HECW2: variants seen among roughly 807,000 people sequenced by gnomAD.
The protein encoded by HECW2 is HECT, C2 and WW domain containing E3 ubiquitin protein ligase 2.
Under a neutral mutation model 175.2 loss-of-function variants are expected in HECW2, and 61 were observed. That is an observed-to-expected ratio of 0.35 (90% CI 0.28 to 0.43). HECW2 has a LOEUF of 0.43. Among genes scored for constraint, HECW2 ranks in the 20% least tolerant of loss-of-function variants. HECW2 has a pLI of 1.00. For missense variants in HECW2, 1,524 were observed against 2,000.5 expected (o/e 0.76, Z 4.54); for synonymous variants, 671 against 731.0 (o/e 0.92, Z 1.32).
At chr2:196,290,878 C>T (rs567259361) in intron 14 of HECW2, 1 of 152,266 alleles carries the variant, frequency 6.6e-6, no homozygotes, top group East Asian at 1.9e-4. Context: ...GGTCCAGGGA[C>T]ATAATCACAA....
rs1553636701 is a variant in HECW2, at chr2:196,248,597, G to GACAGACACAC, written c.3529+5322_3529+5323insGTGTGTCTGT. The stretch of plus-strand genomic sequence containing the variant: ...CAGATGAGAGAGAGAGAGACAGACA[G>GACAGACACAC]ACACACACACACACACACACACACA... On this transcript the variant is annotated intron_variant, in intron 19 of 28. Coordinates refer to ENST00000644978, the MANE Select transcript of HECW2 (RefSeq NM_001348768.2). Among the ~76,000 whole-genome samples the GACAGACACAC allele has an allele frequency of 5.6e-4, 81 of 144,032 alleles. 1 individual carries two copies. The highest frequency in any genetic ancestry group is 2.1e-3 in the African/African-American group (81 of 38,646). 94.5% of individuals were successfully genotyped at this position (144,032 alleles called of 152,430 possible).
At chr2:196,243,446 T>A (rs1422281409) in intron 19 of HECW2, among the ~76,000 whole-genome samples, 1 of 151,202 alleles carries the variant, frequency 6.6e-6, no homozygotes, top group Non-Finnish European at 1.5e-5. Context: ...GGATTACTGG[T>A]GTGAGCCACT....
In HECW2 at chr2:196,387,288, T is replaced by C. The variant is rs541627028; in HGVS notation, c.293-43524A>G. ...AAAAAAACCATATGTTGACTTCAAA[T>C]CCCCAATGCAATATTATTAAGAGGT... On this transcript the variant is annotated intron_variant, in intron 2 of 28. Transcript: ENST00000644978. Among the ~76,000 whole-genome samples the C allele has an allele frequency of 8.5e-5, 13 of 152,206 alleles. No individual in the cohort carries two copies. In the East Asian group the frequency reaches 2.5e-3, roughly 29 times the overall value.
chr2:196,320,733 T>A (rs764838432), intron 7 of HECW2, among the ~76,000 whole-genome samples: 3 of 152,168 alleles, frequency 2.0e-5, no homozygotes, highest in Admixed American at 1.3e-4. Flanking sequence ...CTCTCTCACT[T>A]TTAAGGGTGA....
At chr2:196,463,460 T>C (rs1210081642) in intron 1 of HECW2, among the ~76,000 whole-genome samples, 1 of 150,954 alleles carries the variant, frequency 6.6e-6, no homozygotes, top group African/African-American at 2.4e-5. Context: ...AAAGAAAAAT[T>C]CCAACTGCAA....
At chr2:196,227,024 A>G (rs922108271) in intron 22 of HECW2, among the ~76,000 whole-genome samples, 1 of 152,262 alleles carries the variant, frequency 6.6e-6, no homozygotes, top group African/African-American at 2.4e-5. Context: ...GTATAAATCC[A>G]TACTGAGATT....
intron 1 of HECW2, among the ~76,000 whole-genome samples, chr2:196,491,501 T>G (rs13007775): frequency 7.9e-6 from 1 of 125,944 alleles, no homozygotes; most frequent in Non-Finnish European, 1.8e-5. Context: ...TATATATATA[T>G]ACACACACAC....
intron 1 of HECW2, among the ~76,000 whole-genome samples, chr2:196,537,650 G>T (rs1386417301): frequency 6.6e-6 from 1 of 152,032 alleles, no homozygotes; most frequent in Non-Finnish European, 1.5e-5. Context: ...AGACTTGCTG[G>T]GCTGCATTCT....
rs531901985 is a variant in HECW2 at position 196,336,365 on chromosome 2, G to A, written c.401-1847C>T. On this transcript the variant is annotated intron_variant, in intron 3 of 28. Coordinates refer to ENST00000644978, the MANE Select transcript of HECW2 (RefSeq NM_001348768.2). ...TAAGTAGTGTGCACGAGGACGGTCC[G>A]AGCAGAATAAAGTGTGGTAACATGC... 3.9e-5 allele frequency among the ~76,000 whole-genome samples: 6 copies of A among 152,250 alleles called. No homozygotes were observed. In the South Asian group the frequency reaches 1.0e-3, roughly 26 times the overall value.
At chr2:196,422,069 C>T (rs1018284256) in intron 2 of HECW2, among the ~76,000 whole-genome samples, 1 of 152,160 alleles carries the variant, frequency 6.6e-6, no homozygotes, top group Non-Finnish European at 1.5e-5. Context: ...TGGTCATGCA[C>T]TGTCCTTGGT....
chr2:196,306,640 C>A, intron 12 of HECW2, 28 bp from the exon 13 acceptor site: 1 of 1,577,926 alleles, frequency 6.3e-7, no homozygotes, highest in South Asian at 1.2e-5. Flanking sequence ...CAGAGGCGGT[C>A]AGGGAAATCT....
intron 5 of HECW2, among the ~76,000 whole-genome samples, chr2:196,325,507 C>T (rs1004648797): frequency 2.0e-5 from 3 of 152,138 alleles, no homozygotes; most frequent in African/African-American, 7.2e-5. Flanking sequence ...CTTTTGATTC[C>T]AACATGTGCA....
chr2:196,396,159 AG>A (rs1399810949), intron 2 of HECW2, among the ~76,000 whole-genome samples: 1 of 152,242 alleles, frequency 6.6e-6, no homozygotes, highest in Non-Finnish European at 1.5e-5. Context: ...TGAGGTACCT[AG>A]AGTAATCAAA....
chr2:196,412,458 G>T (rs1332438554), intron 2 of HECW2, among the ~76,000 whole-genome samples: 1 of 152,158 alleles, frequency 6.6e-6, no homozygotes, highest in Non-Finnish European at 1.5e-5. Context: ...ATATGAATTT[G>T]GGGGGTGCCA....
In HECW2 at chr2:196,200,335, C is replaced by T. The variant is rs72921163; in HGVS notation, c.*942G>A. The T allele has an allele frequency of 0.095, 14,526 of 152,246 alleles. 906 individuals are homozygous for T. Among genetic ancestry groups the T allele is most frequent in the Middle Eastern group, 0.19 (57 of 294 alleles). 9.4% of individuals were successfully genotyped at this position (152,246 alleles called of 1,614,324 possible). ...AAAATATTTGGGGAATTTTTTTTAC[C>T]TTTATAAAAATAAAAGGCCCTTTTG... On this transcript the variant is annotated 3_prime_UTR_variant, in exon 29 of 29. Coordinates refer to ENST00000644978, the MANE Select transcript of HECW2 (RefSeq NM_001348768.2).
chr2:196,488,777 T>G (rs1015805345), intron 1 of HECW2, among the ~76,000 whole-genome samples: 3 of 152,156 alleles, frequency 2.0e-5, no homozygotes, highest in Non-Finnish European at 2.9e-5. Flanking sequence ...CTTTTCCTAC[T>G]TTTCTACAAT....
chr2:196,273,031 A>T (rs1338800314), intron 16 of HECW2, among the ~76,000 whole-genome samples: 22 of 150,004 alleles, frequency 1.5e-4, no homozygotes, highest in African/African-American at 4.8e-4. Context: ...AAACAAAGAT[A>T]AATGGAGAGC....
At chr2:196,307,514 A>G (rs1691314248) in intron 11 of HECW2, among the ~76,000 whole-genome samples, 2 of 152,214 alleles carry the variant, frequency 1.3e-5, no homozygotes, top group Non-Finnish European at 2.9e-5. Flanking sequence ...TTAAAGGAAA[A>G]AAAACTTTAT....
chr2:196,504,850 T>C (rs1687700070), intron 1 of HECW2, among the ~76,000 whole-genome samples: 1 of 152,140 alleles, frequency 6.6e-6, no homozygotes. Flanking sequence ...TTCACAAAAC[T>C]TTTATCAACC....
Sources: allele counts gnomAD v4.1 joint callset (sites outside exome capture counted in the v4.1 genomes callset), GRCh38; gene constraint gnomAD v4.1.1; transcripts MANE v1.5; gene names NCBI Gene and HGNC (gene_info 2026-07-23, HGNC 2026-07-21).